Variants in ZBTB16 observed in about 807,000 individuals in gnomAD.
The protein encoded by ZBTB16 is zinc finger and BTB domain containing 16, also known as zinc finger and BTB domain-containing protein 16.
Under a neutral mutation model 56.8 loss-of-function variants are expected in ZBTB16, and 8 were observed. The ratio of observed to expected loss-of-function variants is 0.14; its 90% CI spans 0.08 to 0.25. The LOEUF is 0.25. Among genes scored for constraint, ZBTB16 ranks in the 10% least tolerant of loss-of-function variants. The pLI is 1.00. For missense variants in ZBTB16, 625 were observed against 903.0 expected (o/e 0.69, Z 3.95); for synonymous variants, 363 against 368.5 (o/e 0.98, Z 0.17).
intron 4 of ZBTB16, among the ~76,000 whole-genome samples, chr11:114,241,325 C>A (rs574204703): frequency 6.6e-6 from 1 of 151,986 alleles, no homozygotes; most frequent in East Asian, 1.9e-4. Flanking sequence ...CTGCCACTTA[C>A]GAACTCTATG....
At chr11:114,202,488 G>A (rs1035206311) in intron 4 of ZBTB16, among the ~76,000 whole-genome samples, 1 of 152,148 alleles carries the variant, frequency 6.6e-6, no homozygotes, top group African/African-American at 2.4e-5. Flanking sequence ...CGAGAGAACT[G>A]TCACTATTGC....
Position 114,156,351 on chromosome 11 carries a change from G to C in ZBTB16, c.1283G>C (p.Gly428Ala), listed in dbSNP as rs970063190. 3 of 1,614,236 alleles carry C rather than the reference G, an allele frequency of 1.9e-6. 1 individual carries two copies. The East Asian group carries it at 6.7e-5, about 36-fold the overall frequency. ...AVEQHRKLHS[G>A]MKTYGCELCG... ...TTCCCTTACAGGAAGCTGCACAGTG[G>C]GATGAAGACGTACGGGTGCGAGCTC... is the stretch of plus-strand genomic sequence containing the variant. The change falls in exon 3 of 7, where the codon GGG becomes GCG. Residue 428 changes from glycine to alanine, a missense_variant. Gly to Ala is a moderately conservative substitution (Grantham distance 60). This residue lies in a region of ZBTB16 where 140 missense variants were observed against 214.8 expected (regional missense o/e 0.65). Coordinates refer to ENST00000335953, the MANE Select transcript of ZBTB16 (RefSeq NM_006006.6).
At chr11:114,239,497 G>A (rs1944658382) in intron 4 of ZBTB16, among the ~76,000 whole-genome samples, 1 of 152,274 alleles carries the variant, frequency 6.6e-6, no homozygotes, top group Admixed American at 6.5e-5. Flanking sequence ...CAGATGCACT[G>A]TCCTCCTGTG....
At chr11:114,156,218 C>T in intron 2 of ZBTB16, 119 bp from the exon 3 acceptor site, 1 of 939,644 alleles carries the variant, frequency 1.1e-6, no homozygotes, top group Non-Finnish European at 1.7e-6. Context: ...TCGGTGCCCT[C>T]CTGTTCCCTT....
At chr11:114,220,483 A>AT (rs1944208019) in intron 4 of ZBTB16, among the ~76,000 whole-genome samples, 1 of 152,034 alleles carries the variant, frequency 6.6e-6, no homozygotes, top group Non-Finnish European at 1.5e-5. Flanking sequence ...GTACAGGGAG[A>AT]TTTTTACCTT....
At chr11:114,177,343 G>A (rs988265442) in intron 3 of ZBTB16, among the ~76,000 whole-genome samples, 3 of 152,088 alleles carry the variant, frequency 2.0e-5, no homozygotes, top group Non-Finnish European at 2.9e-5. Flanking sequence ...CTCTGCCTCC[G>A]GGGTTCTAGC....
In ZBTB16 at chr11:114,184,694, A is replaced by G. The variant is rs1432276788; in HGVS notation, c.1367-2258A>G. Among the ~76,000 whole-genome samples the G allele has an allele frequency of 2.6e-5, 4 of 152,212 alleles. No individual in the cohort carries two copies. In the South Asian group the frequency reaches 6.2e-4, roughly 24 times the overall value. On this transcript the variant is annotated intron_variant, in intron 3 of 6. Transcript: ENST00000335953. ...CCTGGAGGTAATGCTAGCATGTACT[A>G]TAAATGGTGGTTGTTGGGACAAACC... is the stretch of plus-strand genomic sequence containing the variant.
intron 2 of ZBTB16, among the ~76,000 whole-genome samples, chr11:114,153,884 T>A (rs10488694): frequency 0.12 from 18,372 of 152,290 alleles, 1,308 homozygotes; most frequent in African/African-American, 0.2. Flanking sequence ...TAGCATGACT[T>A]GTCCAAGGTT....
intron 2 of ZBTB16, among the ~76,000 whole-genome samples, chr11:114,075,763 G>A (rs1014896004): frequency 1.1e-4 from 17 of 152,004 alleles, no homozygotes; most frequent in Non-Finnish European, 1.6e-4. Context: ...GAGCCACTGC[G>A]CCTGGCCTAA....
chr11:114,064,004 A>G lies in ZBTB16; in HGVS notation c.704A>G (p.His235Arg), dbSNP rs756321924. Residue 235 changes from histidine to arginine, a missense_variant, in exon 2 of 7, where the codon CAC becomes CGC. Around this residue, in one of 6 missense-constraint regions of ZBTB16, gnomAD observed 384 missense variants for 393.5 expected, o/e 0.98. Coordinates refer to ENST00000335953, the MANE Select transcript of ZBTB16 (RefSeq NM_006006.6). This position sits in a 1 kb window ranked among gnomAD's most constrained non-coding sequence, Gnocchi z 4.2. The part of the protein sequence containing the change: ...EEPTLAGGGR[H>R]PGVAEVKTEM... ...CCAACTCTGGCTGGGGGTGGGCGGC[A>G]CCCTGGGGTGGCTGAGGTGAAGACG... 24 of 1,613,084 alleles carry G rather than the reference A, an allele frequency of 1.5e-5. No homozygotes were observed. The highest frequency in any genetic ancestry group is 2.0e-5 in the Non-Finnish European group (24 of 1,179,680).
At chr11:114,167,238 T>G (rs1462188239) in intron 3 of ZBTB16, among the ~76,000 whole-genome samples, 13 of 135,636 alleles carry the variant, frequency 9.6e-5, no homozygotes, top group Admixed American at 2.3e-4. Context: ...TTTGGTTTTT[T>G]TTTTTTTTTT....
chr11:114,244,323 G>T (rs1283598226), intron 5 of ZBTB16, among the ~76,000 whole-genome samples: 1 of 151,762 alleles, frequency 6.6e-6, no homozygotes, highest in Admixed American at 6.6e-5. Context: ...GACAGACACT[G>T]GGCTTGGCCA....
intron 2 of ZBTB16, among the ~76,000 whole-genome samples, chr11:114,071,288 T>G (rs1444030589): frequency 6.6e-6 from 1 of 151,718 alleles, no homozygotes; most frequent in Non-Finnish European, 1.5e-5. Context: ...TTAGGGTTAC[T>G]GAGCCATCTG....
intron 4 of ZBTB16, among the ~76,000 whole-genome samples, chr11:114,214,485 C>T (rs1944056917): frequency 6.6e-6 from 1 of 152,224 alleles, no homozygotes; most frequent in South Asian, 2.1e-4. Flanking sequence ...ACTCTCACAG[C>T]AGCCCTATGG....
intron 2 of ZBTB16, among the ~76,000 whole-genome samples, chr11:114,146,605 G>T (rs1232942618): frequency 6.6e-6 from 1 of 152,090 alleles, no homozygotes; most frequent in Non-Finnish European, 1.5e-5. Flanking sequence ...CCAGCACTTT[G>T]GGAGGCCGAG....
In ZBTB16 at chr11:114,064,029, G is replaced by A. The variant is rs553484389; in HGVS notation, c.729G>A (p.Thr243=). ...ACCCTGGGGTGGCTGAGGTGAAGAC[G>A]GAGATGATGCAGGTGGATGAGGTGC... The part of the protein sequence containing the change: ...GRHPGVAEVK[T]EMMQVDEVPS... The change falls in exon 2 of 7, where the codon ACG becomes ACA. Residue 243 remains threonine, a synonymous_variant. Transcript: ENST00000335953. The surrounding 1 kb of genome is among the most constrained non-coding windows in gnomAD (Gnocchi z 4.2). The A allele has an allele frequency of 1.6e-5, 26 of 1,613,224 alleles. No homozygotes were observed. The East Asian group carries it at 1.8e-4, about 11-fold the overall frequency.
rs760505512 is a variant in ZBTB16 at position 114,064,278 on chromosome 11, G to A, written c.978G>A (p.Pro326=). Residue 326 remains proline, a synonymous_variant, in exon 2 of 7, where the codon CCG becomes CCA. Coordinates refer to ENST00000335953, the MANE Select transcript of ZBTB16 (RefSeq NM_006006.6). The surrounding 1 kb of genome is among the most constrained non-coding windows in gnomAD (Gnocchi z 4.2). ...GCCGACCTGAGCACCCAGCACCCCC[G>A]CCTGAGAAGCATCTGGGCATCTACT... ...PTGRPEHPAP[P]PEKHLGIYSV... The A allele has an allele frequency of 1.4e-5, 22 of 1,613,924 alleles. No individual in the cohort carries two copies. The highest frequency in any genetic ancestry group is 4.5e-5 in the East Asian group (2 of 44,886).
At chr11:114,075,455 GT>G (rs10683723) in intron 2 of ZBTB16, among the ~76,000 whole-genome samples, 2 of 150,982 alleles carry the variant, frequency 1.3e-5, no homozygotes, top group Non-Finnish European at 2.9e-5. Flanking sequence ...AAAATTAAGG[GT>G]TTTTTTTCTT....
At chr11:114,103,452 G>T (rs1366408522) in intron 2 of ZBTB16, among the ~76,000 whole-genome samples, 1 of 152,164 alleles carries the variant, frequency 6.6e-6, no homozygotes, top group Non-Finnish European at 1.5e-5. Flanking sequence ...AGAAGTTTTG[G>T]TCGTTGTTTT....
Sources: gnomAD v4.1 joint callset for allele counts (sites outside exome capture counted in the v4.1 genomes callset) on GRCh38, gnomAD v4.1.1 for gene constraint, gnomAD v4.1.1 regional missense constraint, Gnocchi (gnomAD v3.1) non-coding constraint, MANE v1.5 for transcripts, NCBI Gene and HGNC (gene_info 2026-07-23, HGNC 2026-07-21) for gene names.